The following TNIK variants were observed in gnomAD, a reference collection of about 807,000 sequenced individuals.
TNIK encodes TRAF2 and NCK-interacting protein kinase.
Under a neutral mutation model 191.3 loss-of-function variants are expected in TNIK, and 49 were observed. The ratio of observed to expected loss-of-function variants is 0.26; its 90% confidence interval spans 0.20 to 0.32. The LOEUF is 0.32. Ranked by LOEUF, TNIK falls within the 10% of genes least tolerant of loss-of-function variation. The pLI is 1.00. For missense variants in TNIK, 1,155 were observed against 1,702.3 expected, an observed-to-expected ratio of 0.68 and a Z score of 5.66; for synonymous variants, 594 against 600.9, an observed-to-expected ratio of 0.99 and a Z score of 0.17.
chr3:171,119,786 G>C (rs749634096), intron 18 of TNIK, among the ~76,000 whole-genome samples: 2 of 151,880 alleles, frequency 1.3e-5, no homozygotes, highest in Non-Finnish European at 2.9e-5. Flanking sequence ...ATCACATACC[G>C]GGGCCTGTTG....
At chr3:171,450,803 A>G (rs138067485) in intron 1 of TNIK, among the ~76,000 whole-genome samples, 12 of 152,376 alleles carry the variant, frequency 7.9e-5, no homozygotes, top group African/African-American at 2.6e-4. Context: ...TATTTATTCA[A>G]TCAACATTTA....
At chr3:171,124,562 TATAGA>T (rs1728209671) in intron 17 of TNIK, among the ~76,000 whole-genome samples, 1 of 152,234 alleles carries the variant, frequency 6.6e-6, no homozygotes, top group African/African-American at 2.4e-5. Flanking sequence ...TGAATCCTAG[TATAGA>T]AAATTACTTT....
At chr3:171,458,085 C>T (rs1438123147) in intron 1 of TNIK, among the ~76,000 whole-genome samples, 1 of 152,122 alleles carries the variant, frequency 6.6e-6, no homozygotes, top group Admixed American at 6.5e-5. Context: ...GTCGAGATTC[C>T]GGCCCAGGGA....
intron 2 of TNIK, among the ~76,000 whole-genome samples, chr3:171,335,805 A>G (rs760458490): frequency 6.6e-6 from 1 of 152,186 alleles, no homozygotes; most frequent in Non-Finnish European, 1.5e-5. Flanking sequence ...TTGCCAGGTC[A>G]TCTGGTAGGT....
At chr3:171,193,664 T>C (rs757643900) in intron 5 of TNIK, among the ~76,000 whole-genome samples, 5 of 152,216 alleles carry the variant, frequency 3.3e-5, no homozygotes, top group Non-Finnish European at 5.9e-5. Context: ...AAGCATACAA[T>C]CTATCTCTCA....
intron 2 of TNIK, among the ~76,000 whole-genome samples, chr3:171,298,790 C>CTA (rs1752588552): frequency 1.3e-5 from 2 of 152,216 alleles, no homozygotes; most frequent in African/African-American, 4.8e-5. Flanking sequence ...TGCAGCACAT[C>CTA]TATCCTATCC....
At chr3:171,153,000 T>C (rs1208408931) in intron 12 of TNIK, among the ~76,000 whole-genome samples, 6 of 152,162 alleles carry the variant, frequency 3.9e-5, no homozygotes, top group African/African-American at 1.4e-4. Flanking sequence ...CTTGATCTCC[T>C]GATCTCGTGA....
intron 6 of TNIK, among the ~76,000 whole-genome samples, chr3:171,189,041 C>T (rs1737705382): frequency 6.6e-6 from 1 of 152,156 alleles, no homozygotes; most frequent in African/African-American, 2.4e-5. Flanking sequence ...TTCTCATCTT[C>T]CCCAGCTGAA....
In TNIK at chr3:171,214,143, G is replaced by C. The variant is rs182348177; in HGVS notation, c.181-2902C>G. 2.0e-5 allele frequency among the ~76,000 whole-genome samples: 3 copies of C among 151,814 alleles called. No homozygotes were observed. In the East Asian group the frequency reaches 5.8e-4, roughly 29 times the overall value. ...AGCATGCAATTTAGCAGGCCTTTGG[G>C]CCTACTGTTTATCCAGATTTTTAGT... is the stretch of plus-strand genomic sequence containing the variant. On this transcript the variant is annotated intron_variant, in intron 3 of 32. Coordinates refer to ENST00000436636, the MANE Select transcript of TNIK (RefSeq NM_015028.4).
intron 2 of TNIK, among the ~76,000 whole-genome samples, chr3:171,323,480 C>T (rs952921064): frequency 3.3e-5 from 5 of 152,128 alleles, no homozygotes; most frequent in Admixed American, 6.5e-5. Context: ...CTAATTCATT[C>T]ATCTATCTGG....
chr3:171,225,386 T>TA (rs1393638210), intron 3 of TNIK: 1 of 289,374 alleles, frequency 3.5e-6, no homozygotes, highest in African/African-American at 2.3e-5. Flanking sequence ...AGTCAGTGGT[T>TA]AAATAATCAT....
rs1262922062 is a variant in TNIK, at chr3:171,460,213, C to T, written c.-150G>A. The T allele has an allele frequency of 2.1e-6, 2 of 967,914 alleles. No individual in the cohort carries two copies. Among genetic ancestry groups the T allele is most frequent in the Non-Finnish European group, 1.5e-6 (1 of 651,946 alleles). The allele number at this position is 967,914 out of a possible 1,614,324, so 60.0% of individuals were successfully genotyped here. A position where few individuals can be genotyped will look rare whatever the true frequency, so the allele number is the denominator to read the frequency against. On this transcript the variant is annotated 5_prime_UTR_variant, in exon 1 of 33. Coordinates refer to ENST00000436636, the MANE Select transcript of TNIK (RefSeq NM_015028.4). The surrounding 1 kb of genome is among the most constrained non-coding windows in gnomAD (Gnocchi z 6.8). ...TCCCCCGCCCACCCCAGCCCCACAG[C>T]GCCGGATCCCGATCCTCCGCGCGTC...
intron 2 of TNIK, among the ~76,000 whole-genome samples, chr3:171,316,623 G>C (rs1289560578): frequency 6.6e-6 from 1 of 152,122 alleles, no homozygotes; most frequent in South Asian, 2.1e-4. Flanking sequence ...AAGAAAGGCA[G>C]CTCACAGAGG....
At chr3:171,126,873 C>T (rs1728551884) in intron 16 of TNIK, among the ~76,000 whole-genome samples, 1 of 152,232 alleles carries the variant, frequency 6.6e-6, no homozygotes, top group African/African-American at 2.4e-5. Flanking sequence ...ACTGTTCACG[C>T]AGGGAAGACA....
intron 1 of TNIK, among the ~76,000 whole-genome samples, chr3:171,420,384 T>C (rs952001711): frequency 3.3e-5 from 5 of 152,170 alleles, no homozygotes; most frequent in African/African-American, 1.2e-4. Flanking sequence ...AAGGAGTTTT[T>C]TTACACTCAA....
chr3:171,314,499 C>A (rs1490156747), intron 2 of TNIK, among the ~76,000 whole-genome samples: 1 of 152,160 alleles, frequency 6.6e-6, no homozygotes, highest in African/African-American at 2.4e-5. Context: ...TCTAAAGACT[C>A]ACTGTGGTTT....
At chr3:171,275,883 C>A (rs578038300) in intron 2 of TNIK, among the ~76,000 whole-genome samples, 3 of 150,644 alleles carry the variant, frequency 2.0e-5, no homozygotes, top group Non-Finnish European at 4.4e-5. Context: ...GGCGACAGAG[C>A]GCGACTCCGT....
chr3:171,446,928 C>T (rs1460184420), intron 1 of TNIK, among the ~76,000 whole-genome samples: 2 of 152,206 alleles, frequency 1.3e-5, no homozygotes, highest in Admixed American at 6.5e-5. Context: ...CAGTGGCTCA[C>T]GCCGGTAATC....
intron 1 of TNIK, among the ~76,000 whole-genome samples, chr3:171,430,475 C>CA (rs1438400215): frequency 6.6e-6 from 1 of 151,232 alleles, no homozygotes; most frequent in Non-Finnish European, 1.5e-5. Flanking sequence ...GTCTGTCTCT[C>CA]AAAAAATAAA....
Sources: allele counts gnomAD v4.1 joint callset (sites outside exome capture counted in the v4.1 genomes callset), GRCh38; gene constraint gnomAD v4.1.1; non-coding constraint Gnocchi (gnomAD v3.1); transcripts MANE v1.5; gene names NCBI Gene and HGNC (gene_info 2026-07-23, HGNC 2026-07-21).